The following MAP2K5 variants were observed in gnomAD, a reference collection of about 807,000 sequenced individuals.
The protein encoded by MAP2K5 is dual specificity mitogen-activated protein kinase kinase 5.
MAP2K5 carries 49 observed loss-of-function variants against 83.1 expected under a neutral mutation model. The ratio of observed to expected loss-of-function variants is 0.59; its 90% CI spans 0.47 to 0.75. MAP2K5 has a LOEUF of 0.75. MAP2K5 is among the 30% of genes least tolerant of loss of function. The pLI, the probability that MAP2K5 is intolerant of heterozygous loss-of-function variation, is 0.00. For missense variants in MAP2K5, 457 were observed against 557.5 expected (o/e 0.82, Z 1.82); for synonymous variants, 202 against 191.8 (o/e 1.05, Z -0.44).
At position 67,628,441 on chromosome 15, in the gene MAP2K5, C is replaced by G. The variant is rs921486755; in HGVS notation, c.546-2447C>G. ...GCTGTGGTGAGCCAAGATCGTGCCA[C>G]TGCTCTCCAGCCTGGGCGACAGAGC... is the stretch of plus-strand genomic sequence containing the variant. On this transcript the variant is annotated intron_variant, in intron 8 of 21. Coordinates refer to ENST00000178640, the MANE Select transcript of MAP2K5 (RefSeq NM_145160.3). 8.9e-6 allele frequency: 5 copies of G among 561,740 alleles called. No homozygotes were observed. In the African/African-American group the frequency reaches 9.5e-5, roughly 11 times the overall value. The allele number at this position is 561,740 out of a possible 1,614,324, so 34.8% of individuals were successfully genotyped here.
At chr15:67,586,168 G>A (rs2085285215) in intron 5 of MAP2K5, among the ~76,000 whole-genome samples, 1 of 152,164 alleles carries the variant, frequency 6.6e-6, no homozygotes. Context: ...TTGTTGGTCA[G>A]TGTCTTCAGG....
intron 17 of MAP2K5, among the ~76,000 whole-genome samples, chr15:67,728,450 A>T (rs1265018518): frequency 1.3e-5 from 2 of 152,212 alleles, no homozygotes; most frequent in Non-Finnish European, 2.9e-5. Flanking sequence ...GTAAGGAAAC[A>T]AAACAGTCCA....
At chr15:67,617,605 C>G (rs1348616075) in intron 8 of MAP2K5, among the ~76,000 whole-genome samples, 1 of 152,096 alleles carries the variant, frequency 6.6e-6, no homozygotes, top group Non-Finnish European at 1.5e-5. Context: ...TGTGGGAGTC[C>G]AGATGTTGGA....
intron 16 of MAP2K5, among the ~76,000 whole-genome samples, chr15:67,712,594 A>G (rs190323428): frequency 6.6e-6 from 1 of 152,344 alleles, no homozygotes. Context: ...GAACTTTCAG[A>G]GAACAGCAAG....
Position 67,782,310 on chromosome 15 carries a change from TGA to T in MAP2K5, c.1242+9563_1242+9564del, listed in dbSNP as rs2090341437. Among the ~76,000 whole-genome samples, 1 of 152,196 alleles carries T rather than the reference TGA, an allele frequency of 6.6e-6. No homozygotes were observed. The highest frequency in any genetic ancestry group is 2.4e-5 in the African/African-American group (1 of 41,446). ...CGGGAGATTAGGGCCCCAGGGACAATGAGAGATAAACAACTGCAATTAAGGCA... is the reference window on the plus strand; with the variant it reads ...CGGGAGATTAGGGCCCCAGGGACAATGAGATAAACAACTGCAATTAAGGCA... On this transcript the variant is annotated intron_variant, in intron 21 of 21. Transcript: ENST00000178640. The surrounding 1 kb of genome is among the most constrained non-coding windows in gnomAD (Gnocchi z 4.9).
intron 1 of MAP2K5, 147 bp from the exon 2 acceptor site, chr15:67,549,887 C>G: frequency 3.2e-6 from 2 of 620,094 alleles, no homozygotes; most frequent in East Asian, 5.4e-5. Context: ...CGTTGCTGGG[C>G]TAAGTGTGAT....
intron 13 of MAP2K5, among the ~76,000 whole-genome samples, chr15:67,684,409 A>G (rs2141189549): frequency 2.0e-5 from 3 of 152,330 alleles, no homozygotes; most frequent in African/African-American, 7.2e-5. Flanking sequence ...TCCTAAAATA[A>G]AAGGTCTAAA....
In MAP2K5 at chr15:67,769,515, C is replaced by T; in HGVS notation, c.1135-87C>T. 1 of 1,145,170 alleles carries T rather than the reference C, an allele frequency of 8.7e-7. No homozygotes were observed. 70.9% of individuals were successfully genotyped at this position (1,145,170 alleles called of 1,614,324 possible). A position where few individuals can be genotyped will look rare whatever the true frequency, so the allele number is the denominator to read the frequency against. On this transcript the variant is annotated intron_variant, in intron 19 of 21. Transcript: ENST00000178640. This position sits in a 1 kb window ranked among gnomAD's most constrained non-coding sequence, Gnocchi z 5.2. The stretch of plus-strand genomic sequence containing the variant: ...TATTCTCATTGTATTCATCTTTATA[C>T]TCATCCTTCACATGGGTGGGTGGGG...
intron 17 of MAP2K5, among the ~76,000 whole-genome samples, chr15:67,734,089 A>G (rs1187785105): frequency 1.3e-5 from 2 of 152,250 alleles, no homozygotes; most frequent in Non-Finnish European, 2.9e-5. Flanking sequence ...GACTGCTGCT[A>G]GTGAGACTTA....
intron 7 of MAP2K5, among the ~76,000 whole-genome samples, chr15:67,593,316 A>G (rs528392525): frequency 2.6e-4 from 39 of 152,350 alleles, no homozygotes; most frequent in Non-Finnish European, 3.8e-4. Context: ...GAGAAAAGGA[A>G]AAACCATTAC....
At chr15:67,629,550 G>C (rs1403459115) in intron 8 of MAP2K5, among the ~76,000 whole-genome samples, 1 of 152,104 alleles carries the variant, frequency 6.6e-6, no homozygotes, top group Admixed American at 6.6e-5. Context: ...AGTGGATTAT[G>C]TAAATTTTGG....
intron 21 of MAP2K5, among the ~76,000 whole-genome samples, chr15:67,791,978 T>C (rs1423686572): frequency 6.6e-6 from 1 of 152,174 alleles, no homozygotes; most frequent in East Asian, 1.9e-4. Flanking sequence ...GTCAGGGCAA[T>C]TCTTACCTCC....
intron 6 of MAP2K5, among the ~76,000 whole-genome samples, chr15:67,589,791 G>A (rs752947318): frequency 0.021 from 3,134 of 147,172 alleles, 50 homozygotes; most frequent in African/African-American, 0.025. Context: ...GTATGTGTGT[G>A]TGTGTGTGTG....
At chr15:67,688,214 T>C (rs182409882) in intron 13 of MAP2K5, among the ~76,000 whole-genome samples, 1 of 151,872 alleles carries the variant, frequency 6.6e-6, no homozygotes, top group Non-Finnish European at 1.5e-5. Flanking sequence ...TGGAAAAGAG[T>C]GGCAAGGTGA....
At chr15:67,667,136 G>A (rs1466950515) in intron 13 of MAP2K5, among the ~76,000 whole-genome samples, 1 of 152,130 alleles carries the variant, frequency 6.6e-6, no homozygotes, top group Non-Finnish European at 1.5e-5. Flanking sequence ...TTGAGTAGTT[G>A]TTAACTTAAT....
In MAP2K5 at chr15:67,709,568, TA is replaced by T. The variant is rs1443239268; in HGVS notation, c.1044+6161del. 1.7e-4 allele frequency among the ~76,000 whole-genome samples: 26 copies of T among 152,170 alleles called. 1 individual carries two copies. Among genetic ancestry groups the T allele is most frequent in the Admixed American group, 1.4e-3 (22 of 15,282 alleles). ...GCTTTACCAAGTTTGATAGTTTTAT[TA>T]GGGGTGGCTAAAACATTTTAGAGCA... On this transcript the variant is annotated intron_variant, in intron 16 of 21. Transcript: ENST00000178640.
intron 6 of MAP2K5, among the ~76,000 whole-genome samples, chr15:67,592,132 A>AAAAAAAAAAAAAAT (rs1567295900): frequency 6.6e-6 from 1 of 151,564 alleles, no homozygotes; most frequent in Non-Finnish European, 1.5e-5. Flanking sequence ...AAAAAAAAAA[A>AAAAAAAAAAAAAAT]AAAGGACTTT....
At chr15:67,766,545 ACTC>A (rs1425986153) in intron 19 of MAP2K5, among the ~76,000 whole-genome samples, 1 of 152,028 alleles carries the variant, frequency 6.6e-6, no homozygotes, top group African/African-American at 2.4e-5. Context: ...GAGTCTCTGA[ACTC>A]CTCGGGATGA....
At chr15:67,662,285 A>G (rs535926022) in intron 12 of MAP2K5, among the ~76,000 whole-genome samples, 6 of 152,210 alleles carry the variant, frequency 3.9e-5, no homozygotes, top group African/African-American at 9.6e-5. Flanking sequence ...TTCTTATTTC[A>G]CAGTTGCTCT....
Sources: gnomAD v4.1 joint callset for allele counts (sites outside exome capture counted in the v4.1 genomes callset) on GRCh38, gnomAD v4.1.1 for gene constraint, Gnocchi (gnomAD v3.1) non-coding constraint, MANE v1.5 for transcripts, NCBI Gene and HGNC (gene_info 2026-07-23, HGNC 2026-07-21) for gene names.